The following SLC4A8 variants were observed in gnomAD, a reference collection of about 807,000 sequenced individuals.
SLC4A8 encodes the protein electroneutral sodium bicarbonate exchanger 1.
SLC4A8 carries 40 observed loss-of-function variants against 125.0 expected under a neutral mutation model. The ratio of observed to expected loss-of-function variants is 0.32; its 90% CI spans 0.25 to 0.42. The LOEUF (loss-of-function observed/expected upper bound fraction) is 0.42. Ranked by LOEUF, SLC4A8 falls within the 10% of genes least tolerant of loss-of-function variation. The pLI is 1.00. For missense variants in SLC4A8, 863 were observed against 1,355.1 expected, an observed-to-expected ratio of 0.64 and a Z score of 5.70; for synonymous variants, 456 against 476.0, an observed-to-expected ratio of 0.96 and a Z score of 0.55.
chr12:51,503,223 T>A (rs151181926), intron 22 of SLC4A8, among the ~76,000 whole-genome samples: 2,706 of 150,642 alleles, frequency 0.018, 39 homozygotes, highest in Non-Finnish European at 0.025. Flanking sequence ...TTTTTTATTT[T>A]TTATTTTTAT....
Position 51,474,582 on chromosome 12 carries a change from TACTC to T in SLC4A8, c.2010+139_2010+142del, listed in dbSNP as rs567506483. The T allele has an allele frequency of 2.9e-4, 408 of 1,426,266 alleles. 3 individuals carry two copies. In the South Asian group the frequency reaches 3.5e-3, roughly 12 times the overall value. The allele number at this position is 1,426,266 out of a possible 1,614,324, so 88.4% of individuals were successfully genotyped here. A position where few individuals can be genotyped will look rare whatever the true frequency, so the allele number is the denominator to read the frequency against. On this transcript the variant is annotated intron_variant, in intron 15 of 24. Transcript: ENST00000453097. ...ATAAAGCTTTTTAAAAAACAATTCTTACTCACTTTCTTTTATCCTTTCAGAATTT... is the reference window on the plus strand; with the variant it reads ...ATAAAGCTTTTTAAAAAACAATTCTTACTTTCTTTTATCCTTTCAGAATTT...
intron 1 of SLC4A8, among the ~76,000 whole-genome samples, chr12:51,418,172 G>A (rs1244103054): frequency 6.6e-6 from 1 of 152,192 alleles, no homozygotes; most frequent in Non-Finnish European, 1.5e-5. Flanking sequence ...TTACAGAGGA[G>A]AGCATTTGGA....
chr12:51,463,410 G>GGGGTGTGT (rs898348326), intron 10 of SLC4A8, among the ~76,000 whole-genome samples: 6 of 144,028 alleles, frequency 4.2e-5, no homozygotes, highest in African/African-American at 1.3e-4. Context: ...GAAATTATGG[G>GGGGTGTGT]GTGTGTGTGT....
At chr12:51,410,757 G>A (rs1230246295) in intron 1 of SLC4A8, among the ~76,000 whole-genome samples, 1 of 152,074 alleles carries the variant, frequency 6.6e-6, no homozygotes, top group Non-Finnish European at 1.5e-5. Flanking sequence ...ACCATGCCTG[G>A]CCAATCATTT....
At chr12:51,492,713 T>C (rs1310641682) in intron 19 of SLC4A8, among the ~76,000 whole-genome samples, 2 of 152,200 alleles carry the variant, frequency 1.3e-5, no homozygotes, top group Non-Finnish European at 2.9e-5. Context: ...GGGATACATG[T>C]GCAAAACGTG....
rs550207585 is a variant in SLC4A8 at position 51,489,168 on chromosome 12, G to A, written c.2448+308G>A. Among the ~76,000 whole-genome samples the A allele has an allele frequency of 2.6e-5, 4 of 152,330 alleles. No homozygotes were observed. The South Asian group carries it at 8.3e-4, about 32-fold the overall frequency. On this transcript the variant is annotated intron_variant, in intron 18 of 24. Coordinates refer to ENST00000453097, the MANE Select transcript of SLC4A8 (RefSeq NM_001039960.3). ...GCAACTGTACAGCTTGTCTTCCTGA[G>A]GTTCAGGTGGGGGCCTGGGCCACTG...
At chr12:51,403,365 A>C (rs1289390267) in intron 1 of SLC4A8, 1 of 411,844 alleles carries the variant, frequency 2.4e-6, no homozygotes, top group South Asian at 1.7e-5. Context: ...GGCAGGAGCC[A>C]TGACAGCCTG....
chr12:51,507,024 C>T (rs1009343611), intron 24 of SLC4A8, among the ~76,000 whole-genome samples: 1 of 151,802 alleles, frequency 6.6e-6, no homozygotes, highest in Non-Finnish European at 1.5e-5. Context: ...TATAACTTGG[C>T]AGACCACTGT....
chr12:51,473,809 G>A (rs1950778539), intron 14 of SLC4A8, among the ~76,000 whole-genome samples: 2 of 152,216 alleles, frequency 1.3e-5, no homozygotes, highest in Admixed American at 1.3e-4. Context: ...GGCCAAGGTA[G>A]TGGGGTATTA....
chr12:51,498,321 T>G (rs888214867), intron 22 of SLC4A8, among the ~76,000 whole-genome samples: 1 of 151,994 alleles, frequency 6.6e-6, no homozygotes, highest in Admixed American at 6.6e-5. Context: ...GAAATTGAAA[T>G]GAGCAATGGA....
chr12:51,480,974 C>T (rs1054770277), intron 16 of SLC4A8, among the ~76,000 whole-genome samples: 1 of 152,222 alleles, frequency 6.6e-6, no homozygotes, highest in Non-Finnish European at 1.5e-5. Context: ...CTTGCCTCCA[C>T]TTTTAAGTGT....
chr12:51,449,555 A>T lies in SLC4A8; in HGVS notation c.131-1321A>T, dbSNP rs531642856. On this transcript the variant is annotated intron_variant, in intron 2 of 24. Transcript: ENST00000453097. The stretch of plus-strand genomic sequence containing the variant: ...AGCTCCTTTGGTGGAAGATGTGGGG[A>T]ATGGGTCTGAGATCTAGAGTGCTGA... 9.2e-5 allele frequency among the ~76,000 whole-genome samples: 14 copies of T among 152,220 alleles called. No individual in the cohort carries two copies. In the South Asian group the frequency reaches 1.2e-3, roughly 14 times the overall value.
chr12:51,497,052 G>C lies in SLC4A8; in HGVS notation c.3009G>C (p.Trp1003Cys). 1 of 1,614,012 alleles carries C rather than the reference G, an allele frequency of 6.2e-7. No homozygotes were observed. Among genetic ancestry groups the C allele is most frequent in the Non-Finnish European group, 8.5e-7 (1 of 1,179,988 alleles). ...GTTTCTCTAAGCGAGAGCTGAGCTG[G>C]CTAGATGATCTCATGCCTGAAAGCA... The part of the protein sequence containing the change: ...DLCFSKRELS[W>C]LDDLMPESKK... The change falls in exon 22 of 25, where the codon TGG becomes TGC. Residue 1003 changes from tryptophan (W) to cysteine (C), a missense_variant. Transcript: ENST00000453097.
intron 2 of SLC4A8, chr12:51,441,097 GTT>G: frequency 1.9e-6 from 2 of 1,035,594 alleles, no homozygotes; most frequent in Non-Finnish European, 2.3e-6. Context: ...AGTTCAGTGC[GTT>G]AATTCTTGAC....
intron 1 of SLC4A8, among the ~76,000 whole-genome samples, chr12:51,409,630 G>A (rs1367874813): frequency 1.3e-5 from 2 of 152,156 alleles, no homozygotes; most frequent in African/African-American, 4.8e-5. Flanking sequence ...GTGCACTGCA[G>A]CCTTGAACTC....
At position 51,513,889 on chromosome 12, in the gene SLC4A8, G is replaced by C. The variant is rs991912693; in HGVS notation, c.*6451G>C. ...CTGGCTTGGGGAATCTGTAGTTTCT[G>C]GTTGTCCAAAAAAGATAGTTCTTAG... is the stretch of plus-strand genomic sequence containing the variant. On this transcript the variant is annotated 3_prime_UTR_variant, in exon 25 of 25. Coordinates refer to ENST00000453097, the MANE Select transcript of SLC4A8 (RefSeq NM_001039960.3). 1 of 152,138 alleles carries C rather than the reference G, an allele frequency of 6.6e-6. No individual in the cohort carries two copies. Among genetic ancestry groups the C allele is most frequent in the Non-Finnish European group, 1.5e-5 (1 of 68,028 alleles). 9.4% of individuals were successfully genotyped at this position (152,138 alleles called of 1,614,324 possible). A position where few individuals can be genotyped will look rare whatever the true frequency, so the allele number is the denominator to read the frequency against.
At chr12:51,503,683 G>A (rs1938036183) in intron 22 of SLC4A8, among the ~76,000 whole-genome samples, 1 of 152,170 alleles carries the variant, frequency 6.6e-6, no homozygotes, top group Non-Finnish European at 1.5e-5. Context: ...TGAAGAAACA[G>A]GGTCTTTGAC....
chr12:51,424,272 T>C (rs1210538701), upstream of SLC4A8, among the ~76,000 whole-genome samples: 1 of 152,038 alleles, frequency 6.6e-6, no homozygotes, highest in African/African-American at 2.4e-5. Context: ...GTTCGAAGCC[T>C]TTTTGTGGAA....
chr12:51,489,557 A>T, intron 18 of SLC4A8, 143 bp from the exon 19 acceptor site: 1 of 981,244 alleles, frequency 1.0e-6, no homozygotes, highest in Non-Finnish European at 1.5e-6. Context: ...AGGAGGGGCT[A>T]CAAGACTCCT....
Sources: allele counts gnomAD v4.1 joint callset (sites outside exome capture counted in the v4.1 genomes callset), GRCh38; gene constraint gnomAD v4.1.1; transcripts MANE v1.5; gene names NCBI Gene and HGNC (gene_info 2026-07-23, HGNC 2026-07-21).